Variants in RPRD1B observed in about 807,000 individuals in gnomAD.
The protein encoded by RPRD1B is regulation of nuclear pre-mRNA domain-containing protein 1B.
Under a neutral mutation model 41.5 loss-of-function variants are expected in RPRD1B, and 11 were observed. That is an observed-to-expected ratio of 0.27 (90% CI 0.17 to 0.44). RPRD1B has a LOEUF of 0.44. RPRD1B is among the 20% of genes least tolerant of loss of function. RPRD1B has a pLI of 1.00. For synonymous variants in RPRD1B, 158 were observed against 155.6 expected, an observed-to-expected ratio of 1.02 and a Z score of -0.12; for missense variants, 248 against 389.9, an observed-to-expected ratio of 0.64 and a Z score of 3.06.
At chr20:38,049,951 C>T (rs750517620) in intron 3 of RPRD1B, 9 of 423,416 alleles carry the variant, frequency 2.1e-5, no homozygotes, top group Non-Finnish European at 3.9e-5. Flanking sequence ...GCTCTGTTGG[C>T]ACTGCTTCCT....
chr20:38,075,784 A>C (rs888055201), intron 6 of RPRD1B, among the ~76,000 whole-genome samples: 5 of 152,248 alleles, frequency 3.3e-5, no homozygotes, highest in African/African-American at 1.2e-4. Context: ...AAACCTTTGC[A>C]GATGAAAGCC....
At chr20:38,082,902 A>G (rs1430552584) in intron 6 of RPRD1B, among the ~76,000 whole-genome samples, 1 of 152,240 alleles carries the variant, frequency 6.6e-6, no homozygotes, top group East Asian at 1.9e-4. Context: ...TGCCAGCACT[A>G]AAAACTACAA....
intron 6 of RPRD1B, among the ~76,000 whole-genome samples, chr20:38,078,469 C>T (rs924209019): frequency 1.3e-5 from 2 of 151,466 alleles, no homozygotes; most frequent in South Asian, 2.1e-4. Flanking sequence ...CCCACCCCAA[C>T]CCCCCAGCCC....
At chr20:38,072,610 G>C (rs4811477) in intron 6 of RPRD1B, among the ~76,000 whole-genome samples, 148,177 of 152,286 alleles carry the variant, frequency 0.97, 72,127 homozygotes, top group East Asian at 1. Flanking sequence ...GGAGTATTGC[G>C]ATTTTAGCAG....
intron 6 of RPRD1B, among the ~76,000 whole-genome samples, chr20:38,074,098 C>T (rs1330755775): frequency 1.6e-4 from 24 of 152,246 alleles, no homozygotes; most frequent in Non-Finnish European, 1.5e-5. Context: ...CCGTAGTGTG[C>T]TTACTGCTCT....
At chr20:38,063,501 G>A (rs2074321439) in intron 5 of RPRD1B, among the ~76,000 whole-genome samples, 1 of 152,212 alleles carries the variant, frequency 6.6e-6, no homozygotes, top group Admixed American at 6.5e-5. Context: ...CGATTGGGGT[G>A]GGCTCAGGAG....
intron 2 of RPRD1B, among the ~76,000 whole-genome samples, chr20:38,045,182 T>TA (rs555401095): frequency 1.4e-3 from 209 of 152,374 alleles, no homozygotes; most frequent in Non-Finnish European, 2.6e-3. Context: ...TATTAAGTTG[T>TA]GTATGTAATT....
chr20:38,059,320 T>G, intron 4 of RPRD1B, 74 bp from the exon 5 acceptor site: 1 of 1,460,270 alleles, frequency 6.8e-7, no homozygotes, highest in African/African-American at 1.4e-5. Flanking sequence ...TGCCTCCACC[T>G]CATTTAACTC....
rs1600452286 is a variant in RPRD1B, at chr20:38,092,272, A to G, written c.*2397A>G. On this transcript the variant is annotated 3_prime_UTR_variant, in exon 7 of 7. Transcript: ENST00000373433. Reference sequence around the variant, plus strand: ...TAAATTTGTATATTAATTTAGGACTATTTAGAAGTATAGGCTGTCGTTGGC... The same window carrying G: ...TAAATTTGTATATTAATTTAGGACTGTTTAGAAGTATAGGCTGTCGTTGGC... 1.0e-6 allele frequency: 1 copy of G among 984,896 alleles called. No individual in the cohort carries two copies. The highest frequency in any genetic ancestry group is 1.2e-6 in the Non-Finnish European group (1 of 829,028). The allele number at this position is 984,896 out of a possible 1,614,324, so 61.0% of individuals were successfully genotyped here.
rs562123044 is a variant in RPRD1B at position 38,073,754 on chromosome 20, G to A, written c.831+7498G>A. 1.4e-3 allele frequency among the ~76,000 whole-genome samples: 210 copies of A among 152,274 alleles called. 1 individual carries two copies. Among genetic ancestry groups the A allele is most frequent in the Non-Finnish European group, 1.9e-3 (131 of 68,018 alleles). On this transcript the variant is annotated intron_variant, in intron 6 of 6. Coordinates refer to ENST00000373433, the MANE Select transcript of RPRD1B (RefSeq NM_021215.4). ...ATCATGGTAAGGACAGATGGGAGCC[G>A]GTGATCTAATTGTCATTTTAGGTAA...
At chr20:38,082,031 C>T (rs1335757211) in intron 6 of RPRD1B, among the ~76,000 whole-genome samples, 1 of 152,164 alleles carries the variant, frequency 6.6e-6, no homozygotes, top group African/African-American at 2.4e-5. Context: ...TTCATTGTGT[C>T]TGCCAGGTTT....
In RPRD1B at chr20:38,033,995, G is replaced by A; in HGVS notation, c.48G>A (p.Leu16=). ...ESALEKKLSE[L]SNSQQSVQTL... Reference sequence around the variant, plus strand: ...CGCTGGAGAAGAAGCTCTCGGAGCTGAGCAACTCTCAGCAGAGCGTGCAGA... The same window carrying A: ...CGCTGGAGAAGAAGCTCTCGGAGCTAAGCAACTCTCAGCAGAGCGTGCAGA... The change falls in exon 1 of 7, where the codon CTG becomes CTA. Residue 16 remains leucine (L), a synonymous_variant. Coordinates refer to ENST00000373433, the MANE Select transcript of RPRD1B (RefSeq NM_021215.4). 1.2e-6 allele frequency: 2 copies of A among 1,614,086 alleles called. No individual in the cohort carries two copies. Among genetic ancestry groups the A allele is most frequent in the Admixed American group, 1.7e-5 (1 of 60,020 alleles).
chr20:38,068,479 A>C (rs1347827463), intron 6 of RPRD1B, among the ~76,000 whole-genome samples: 4 of 152,072 alleles, frequency 2.6e-5, no homozygotes, highest in African/African-American at 9.7e-5. Context: ...TGCAGCCTCC[A>C]CCTCCCAGGC....
At chr20:38,036,570 G>A (rs149185628) in intron 1 of RPRD1B, among the ~76,000 whole-genome samples, 83 of 152,296 alleles carry the variant, frequency 5.4e-4, no homozygotes, top group Middle Eastern at 3.4e-3. Flanking sequence ...AGGATATCGC[G>A]TGGTGCCTGT....
intron 2 of RPRD1B, among the ~76,000 whole-genome samples, chr20:38,044,372 A>ATTTTT (rs74179885): frequency 2.8e-4 from 35 of 124,500 alleles, no homozygotes; most frequent in African/African-American, 5.7e-4. Flanking sequence ...TCAGGTGTTC[A>ATTTTT]TTTTTTTTTT....
chr20:38,089,420 T>C (rs1239898847), intron 6 of RPRD1B, among the ~76,000 whole-genome samples: 2 of 152,200 alleles, frequency 1.3e-5, no homozygotes. Flanking sequence ...TTTGAAACTT[T>C]TGAGAACCAA....
intron 6 of RPRD1B, among the ~76,000 whole-genome samples, chr20:38,079,962 C>G (rs145769528): frequency 1.5e-3 from 223 of 152,268 alleles, no homozygotes; most frequent in African/African-American, 5.1e-3. Context: ...TTGCATTTCT[C>G]TAATGATTAG....
chr20:38,040,343 T>TA (rs1246915935), intron 1 of RPRD1B, 92 bp from the exon 2 acceptor site: 2 of 1,050,990 alleles, frequency 1.9e-6, no homozygotes, highest in African/African-American at 3.3e-5. Flanking sequence ...ATACTTGTCT[T>TA]AATGTTTTTT....
intron 5 of RPRD1B, among the ~76,000 whole-genome samples, chr20:38,064,854 C>T (rs746148426): frequency 1.1e-4 from 16 of 152,006 alleles, no homozygotes; most frequent in Middle Eastern, 3.4e-3. Flanking sequence ...GGCGTGGTGG[C>T]GGGGGCCTGT....
Sources: gnomAD v4.1 joint callset for allele counts (sites outside exome capture counted in the v4.1 genomes callset) on GRCh38, gnomAD v4.1.1 for gene constraint, MANE v1.5 for transcripts, NCBI Gene and HGNC (gene_info 2026-07-23, HGNC 2026-07-21) for gene names.